Variants in RBM47 observed in about 807,000 individuals in gnomAD.
The protein encoded by RBM47 is RNA binding motif protein 47, also known as RNA-binding protein 47.
In RBM47, 21 loss-of-function variants were observed where a neutral mutation model predicts 47.1. The observed-to-expected ratio is 0.45, with a 90% CI of 0.32 to 0.64. RBM47 has a LOEUF of 0.64. Ranked by LOEUF, RBM47 falls within the 30% of genes least tolerant of loss-of-function variation. RBM47 has a pLI of 0.05. For missense variants in RBM47, 708 were observed against 870.9 expected (o/e 0.81, Z 2.35); for synonymous variants, 375 against 361.7 (o/e 1.04, Z -0.42).
At chr4:40,482,427 T>C (rs1214876198) in intron 2 of RBM47, among the ~76,000 whole-genome samples, 1 of 152,052 alleles carries the variant, frequency 6.6e-6, no homozygotes, top group East Asian at 1.9e-4. Context: ...CTAATTTTTG[T>C]ATTTTTAGTA....
At chr4:40,536,835 C>T (rs1341167140) in intron 2 of RBM47, among the ~76,000 whole-genome samples, 1 of 152,064 alleles carries the variant, frequency 6.6e-6, no homozygotes, top group Non-Finnish European at 1.5e-5. Context: ...AAGCAATTCT[C>T]CTGCCTCAGC....
In RBM47 at chr4:40,432,699, GGCTGCGGCC is replaced by G. The variant is rs752324664; in HGVS notation, c.1485_1493del (p.Ala500_Ala502del). ...CAGTGGGAATGACAGCGGCTGCGGC[GGCTGCGGCC>G]GCGGCTGCGGCGGCAGCAGCACTGG... On this transcript the variant is annotated inframe_deletion, in exon 6 of 7. Transcript: ENST00000295971. 8 of 1,591,266 alleles carry G rather than the reference GGCTGCGGCC, an allele frequency of 5.0e-6. No individual in the cohort carries two copies. In the Admixed American group the frequency reaches 6.8e-5, roughly 14 times the overall value.
chr4:40,498,474 G>T (rs1170805892), intron 2 of RBM47, among the ~76,000 whole-genome samples: 1 of 151,780 alleles, frequency 6.6e-6, no homozygotes, highest in African/African-American at 2.4e-5. Flanking sequence ...AGGTCAGGAG[G>T]TTGAGACCAG....
chr4:40,620,195 G>GA (rs200356171), intron 1 of RBM47, among the ~76,000 whole-genome samples: 1,334 of 79,914 alleles, frequency 0.017, 48 homozygotes, highest in African/African-American at 0.059. Flanking sequence ...GACTCAGTAT[G>GA]AAAAAAAAAA....
intron 2 of RBM47, 42 bp downstream of exon 2, chr4:40,544,380 G>A (rs1483117508): frequency 6.6e-6 from 1 of 152,216 alleles, no homozygotes. Context: ...CCGCCACCGG[G>A]TTATGTGCAT....
intron 3 of RBM47, among the ~76,000 whole-genome samples, chr4:40,448,887 G>T (rs1426261028): frequency 6.6e-6 from 1 of 152,044 alleles, no homozygotes; most frequent in Non-Finnish European, 1.5e-5. Context: ...TGATTATTTG[G>T]TAAAGGAAGA....
intron 2 of RBM47, among the ~76,000 whole-genome samples, chr4:40,513,144 G>C (rs181847513): frequency 2.8e-3 from 431 of 152,330 alleles, no homozygotes; most frequent in Middle Eastern, 0.01. Flanking sequence ...AGTTTGTCCT[G>C]TGGAGGAAAT....
At chr4:40,581,347 G>A (rs1484638702) in intron 1 of RBM47, among the ~76,000 whole-genome samples, 3 of 151,706 alleles carry the variant, frequency 2.0e-5, no homozygotes, top group Middle Eastern at 3.2e-3. Flanking sequence ...CCTTGAGTCC[G>A]GGAAGCAGCG....
intron 3 of RBM47, among the ~76,000 whole-genome samples, chr4:40,453,566 G>C (rs962010409): frequency 1.2e-4 from 19 of 152,214 alleles, no homozygotes; most frequent in African/African-American, 1.2e-4. Flanking sequence ...AATTGATTAA[G>C]ATGATGAAGA....
At chr4:40,528,949 A>ATAAAT (rs57303226) in intron 2 of RBM47, among the ~76,000 whole-genome samples, 7,131 of 88,470 alleles carry the variant, frequency 0.081, 449 homozygotes, top group African/African-American at 0.25. Context: ...TCTCAAAAAA[A>ATAAAT]AAATAAATAA....
intron 1 of RBM47, among the ~76,000 whole-genome samples, chr4:40,546,213 T>C (rs577242950): frequency 2.6e-5 from 4 of 152,114 alleles, no homozygotes; most frequent in African/African-American, 2.4e-5. Flanking sequence ...TGCAGTGGCA[T>C]GATCTCAGCT....
At chr4:40,430,571 T>C (rs166777) in intron 6 of RBM47, among the ~76,000 whole-genome samples, 45,823 of 152,192 alleles carry the variant, frequency 0.3, 10,912 homozygotes, top group East Asian at 0.64. Context: ...CTTAATGACA[T>C]ACTGAAAGAT....
chr4:40,515,044 T>C (rs1725409700), intron 2 of RBM47, among the ~76,000 whole-genome samples: 1 of 152,202 alleles, frequency 6.6e-6, no homozygotes, highest in Non-Finnish European at 1.5e-5. Flanking sequence ...ACTCAAAAAG[T>C]GCTCATAAAC....
At chr4:40,568,242 A>G (rs2154267918) in intron 1 of RBM47, among the ~76,000 whole-genome samples, 1 of 151,644 alleles carries the variant, frequency 6.6e-6, no homozygotes, top group East Asian at 1.9e-4. Context: ...CCTGGGCAAC[A>G]TGGCGAAACC....
intron 1 of RBM47, among the ~76,000 whole-genome samples, chr4:40,625,709 C>A (rs1737678214): frequency 6.6e-6 from 1 of 152,140 alleles, no homozygotes; most frequent in Non-Finnish European, 1.5e-5. Flanking sequence ...TCGTGCAGGG[C>A]CACCATGTTC....
intron 3 of RBM47, among the ~76,000 whole-genome samples, chr4:40,455,988 G>A (rs1050227497): frequency 2.0e-5 from 3 of 152,310 alleles, no homozygotes; most frequent in African/African-American, 7.2e-5. Context: ...TGGACAAACT[G>A]AAAGGGCATT....
intron 2 of RBM47, among the ~76,000 whole-genome samples, chr4:40,523,527 T>C (rs1364488249): frequency 6.6e-6 from 1 of 152,054 alleles, no homozygotes; most frequent in Non-Finnish European, 1.5e-5. Context: ...GGCAGGCACC[T>C]GTAATCCTAG....
rs141824828 is a variant in RBM47, at chr4:40,448,026, A to C, written c.-31-9102T>G. ...ACTCCGTCTCAAAAAAATAAAAATA[A>C]AAAAATAAAAAAACAAAACAAGTAG... On this transcript the variant is annotated intron_variant, in intron 3 of 6. Coordinates refer to ENST00000295971, the MANE Select transcript of RBM47 (RefSeq NM_001098634.2). 2.7e-3 allele frequency among the ~76,000 whole-genome samples: 411 copies of C among 151,878 alleles called. 1 individual carries two copies. Among genetic ancestry groups the C allele is most frequent in the African/African-American group, 9.4e-3 (389 of 41,366 alleles).
chr4:40,569,750 G>A (rs1354182383), intron 1 of RBM47, among the ~76,000 whole-genome samples: 4 of 147,976 alleles, frequency 2.7e-5, no homozygotes, highest in African/African-American at 5.0e-5. Context: ...TCGCTCTGTC[G>A]CCCAGGTTGG....
Sources: gnomAD v4.1 joint callset for allele counts (sites outside exome capture counted in the v4.1 genomes callset) on GRCh38, gnomAD v4.1.1 for gene constraint, MANE v1.5 for transcripts, NCBI Gene and HGNC (gene_info 2026-07-23, HGNC 2026-07-21) for gene names.